Variants in ZNF37A observed in about 807,000 individuals in gnomAD.
The protein encoded by ZNF37A is zinc finger protein 37a (KOX 21).
A neutral mutation model predicts 12.3 loss-of-function variants in ZNF37A; 10 were observed. That is an observed-to-expected ratio of 0.82 (90% CI 0.50 to 1.38). The LOEUF is 1.38. Ranked by LOEUF, ZNF37A falls within the 40% of genes most tolerant of loss-of-function variation. ZNF37A has a pLI of 0.00. For missense variants in ZNF37A, 580 were observed against 651.2 expected (o/e 0.89, Z 1.19); for synonymous variants, 207 against 223.0 (o/e 0.93, Z 0.64).
At chr10:38,105,193 CAG>C (rs2067958393) in intron 5 of ZNF37A, among the ~76,000 whole-genome samples, 1 of 151,918 alleles carries the variant, frequency 6.6e-6, no homozygotes, top group African/African-American at 2.4e-5. Context: ...TTAGTAGAGA[CAG>C]GGTTTCTCCA....
At position 38,101,582 on chromosome 10, in the gene ZNF37A, C is replaced by T. The variant is rs1010717385; in HGVS notation, c.15+4950C>T. 1.5e-4 allele frequency among the ~76,000 whole-genome samples: 20 copies of T among 132,554 alleles called. 1 individual carries two copies. The highest frequency in any genetic ancestry group is 5.6e-4 in the African/African-American group (20 of 35,604). 87.0% of individuals were successfully genotyped at this position (132,554 alleles called of 152,430 possible). ...TCTGTTACTATGTCTCCTTTGTAGA[C>T]TGACCTTTTTTTTTTTTAATCAATA... On this transcript the variant is annotated intron_variant, in intron 5 of 7. Transcript: ENST00000685332.
intron 7 of ZNF37A, among the ~76,000 whole-genome samples, chr10:38,133,204 G>GT (rs1400219889): frequency 6.6e-6 from 1 of 152,092 alleles, no homozygotes; most frequent in Non-Finnish European, 1.5e-5. Flanking sequence ...GTTGCATCAT[G>GT]TTTTTTAAAA....
At chr10:38,098,651 T>G (rs2504140) in intron 5 of ZNF37A, among the ~76,000 whole-genome samples, 62,475 of 151,930 alleles carry the variant, frequency 0.41, 13,029 homozygotes, top group East Asian at 0.5. Flanking sequence ...TTGCTTAAAT[T>G]TATTAGTTTT....
exon 8 of ZNF37A, chr10:38,147,621 A>C (rs1360095621): frequency 6.6e-6 from 1 of 152,226 alleles, no homozygotes; most frequent in Non-Finnish European, 1.5e-5. Context: ...CCCTGAACCC[A>C]CAATGAGTCT....
intron 5 of ZNF37A, among the ~76,000 whole-genome samples, chr10:38,102,015 T>C (rs2067627414): frequency 6.6e-6 from 1 of 151,832 alleles, no homozygotes; most frequent in Non-Finnish European, 1.5e-5. Flanking sequence ...ATTTTTTCTT[T>C]TAGTAGAGAC....
rs547628621 is a variant in ZNF37A at position 38,105,893 on chromosome 10, G to T, written c.16-8862G>T. On this transcript the variant is annotated intron_variant, in intron 5 of 7. Coordinates refer to ENST00000685332, the MANE Select transcript of ZNF37A (RefSeq NM_001324250.3). ...CAAAACTATTTGTTAGCTCATAGAT[G>T]TTTTGTGGATTATATGCTAAATAAT... 2.0e-5 allele frequency among the ~76,000 whole-genome samples: 3 copies of T among 152,296 alleles called. No individual in the cohort carries two copies. The South Asian group carries it at 6.2e-4, about 32-fold the overall frequency.
chr10:38,114,270 GT>G (rs2069058266), intron 5 of ZNF37A, among the ~76,000 whole-genome samples: 1 of 152,042 alleles, frequency 6.6e-6, no homozygotes, highest in Non-Finnish European at 1.5e-5. Flanking sequence ...TTAACCTTTT[GT>G]TAAGTTTTTC....
At chr10:38,113,028 G>A (rs1465809102) in intron 5 of ZNF37A, among the ~76,000 whole-genome samples, 2 of 151,828 alleles carry the variant, frequency 1.3e-5, no homozygotes, top group Non-Finnish European at 2.9e-5. Context: ...TGCTGGTCTT[G>A]AACTCCTGAC....
exon 8 of ZNF37A, chr10:38,146,942 G>A: frequency 2.6e-6 from 1 of 391,414 alleles, no homozygotes; most frequent in Non-Finnish European, 4.5e-6. Context: ...CAGCAAGCCA[G>A]TGATAAGCAT....
At chr10:38,116,351 T>C (rs761661298) in intron 7 of ZNF37A, among the ~76,000 whole-genome samples, 38 of 152,230 alleles carry the variant, frequency 2.5e-4, no homozygotes, top group Non-Finnish European at 4.1e-4. Flanking sequence ...ATCCAGCTGA[T>C]GTTTGTGCTT....
chr10:38,109,453 C>T (rs2474579), intron 5 of ZNF37A, among the ~76,000 whole-genome samples: 62,535 of 151,978 alleles, frequency 0.41, 13,055 homozygotes, highest in East Asian at 0.5. Flanking sequence ...CCCTCTCTCA[C>T]GACTCCTATT....
At chr10:38,130,014 A>T (rs2069998630), downstream of ZNF37A, among the ~76,000 whole-genome samples, 1 of 152,316 alleles carries the variant, frequency 6.6e-6, no homozygotes, top group East Asian at 1.9e-4. Context: ...CAAAAACTTG[A>T]TCTACTCAAC....
rs2069503455 is a variant in ZNF37A, at chr10:38,118,747, C to G, written c.1596C>G (p.Phe532Leu). The change falls in exon 8 of 8, where the codon TTC becomes TTG. Residue 532 changes from phenylalanine to leucine, a missense_variant. Transcript: ENST00000685332. ...AATGTAATGTTTGTGGAAAATCATT[C>G]TATGTTAAGTCAAAACTAACTGTAC... Reference protein sequence around the residue: ...PYECNVCGKSFYVKSKLTVHQ... With the variant: ...PYECNVCGKSLYVKSKLTVHQ... 4 of 1,613,600 alleles carry G rather than the reference C, an allele frequency of 2.5e-6. No homozygotes were observed. Among genetic ancestry groups the G allele is most frequent in the Non-Finnish European group, 3.4e-6 (4 of 1,179,808 alleles).
At chr10:38,097,336 T>C (rs144321216) in intron 5 of ZNF37A, among the ~76,000 whole-genome samples, 1,629 of 152,004 alleles carry the variant, frequency 0.011, 76 homozygotes, top group Admixed American at 0.076. Flanking sequence ...TCCCAACACT[T>C]TGGGAGGGCG....
At chr10:38,135,109 G>T (rs1271264758) in intron 7 of ZNF37A, among the ~76,000 whole-genome samples, 2 of 152,202 alleles carry the variant, frequency 1.3e-5, no homozygotes, top group Non-Finnish European at 2.9e-5. Context: ...TTTCTTGGCT[G>T]GGTGCAGTGG....
intron 5 of ZNF37A, among the ~76,000 whole-genome samples, chr10:38,097,243 CA>C (rs1429658207): frequency 6.6e-6 from 1 of 151,930 alleles, no homozygotes; most frequent in Non-Finnish European, 1.5e-5. Flanking sequence ...ATGTGCAGTC[CA>C]GGGGAAAACT....
At chr10:38,100,310 A>G (rs1480100054) in intron 5 of ZNF37A, among the ~76,000 whole-genome samples, 2 of 152,170 alleles carry the variant, frequency 1.3e-5, no homozygotes, top group African/African-American at 4.8e-5. Flanking sequence ...TTATCAGGAG[A>G]CAGGGTTTTG....
At chr10:38,109,335 T>G (rs1590853258) in intron 5 of ZNF37A, among the ~76,000 whole-genome samples, 1 of 152,118 alleles carries the variant, frequency 6.6e-6, no homozygotes, top group African/African-American at 2.4e-5. Flanking sequence ...ATGGAACATA[T>G]CTCAAAATAA....
At chr10:38,145,465 TA>T (rs2070240502) in intron 7 of ZNF37A, among the ~76,000 whole-genome samples, 1 of 152,228 alleles carries the variant, frequency 6.6e-6, no homozygotes. Context: ...TTTTATACTT[TA>T]AAATATGTGT....
Sources: allele counts gnomAD v4.1 joint callset (sites outside exome capture counted in the v4.1 genomes callset), GRCh38; gene constraint gnomAD v4.1.1; transcripts MANE v1.5; gene names NCBI Gene and HGNC (gene_info 2026-07-23, HGNC 2026-07-21).